BLTP1: variants seen among roughly 807,000 people sequenced by gnomAD.
BLTP1 encodes the protein bridge-like lipid transfer protein family member 1, also known as fragile site-associated protein.
the BLTP1 span, chr4:122,207,080 A>G: frequency 3.8e-6 from 6 of 1,560,596 alleles, no homozygotes; most frequent in Admixed American, 1.9e-5. Context: ...CTAACTTTAC[A>G]ATTTCTATTC....
chr4:122,322,726 A>G, the BLTP1 span, among the ~76,000 whole-genome samples: 1 of 152,062 alleles, frequency 6.6e-6, no homozygotes, highest in Non-Finnish European at 1.5e-5. Context: ...CATGTTTGTC[A>G]GTTTTTTCCT....
At chr4:122,184,658 A>C in the BLTP1 span, 1 of 984,274 alleles carries the variant, frequency 1.0e-6, no homozygotes, top group South Asian at 4.7e-5. Context: ...ACCAAAAAAC[A>C]AAAAACATTC....
At chr4:122,302,426 C>A in the BLTP1 span, among the ~76,000 whole-genome samples, 1 of 152,290 alleles carries the variant, frequency 6.6e-6, no homozygotes, top group African/African-American at 2.4e-5. Context: ...CTAATTCTCA[C>A]AATATTTCAA....
chr4:122,204,845 A>G, the BLTP1 span: 3 of 874,872 alleles, frequency 3.4e-6, no homozygotes, highest in Non-Finnish European at 4.1e-6. Flanking sequence ...GTAAGCATAG[A>G]TTATGTAAAG....
At chr4:122,313,838 T>C in the BLTP1 span, 72 of 385,096 alleles carry the variant, frequency 1.9e-4, no homozygotes, top group Non-Finnish European at 4.4e-5. Flanking sequence ...TTAACAATTA[T>C]TAATCAGACA....
chr4:122,169,578 G>A, the BLTP1 span: 1 of 921,940 alleles, frequency 1.1e-6, no homozygotes, highest in Non-Finnish European at 1.3e-6. Context: ...ATATTTTCTT[G>A]TTTCTTGGAT....
chr4:122,166,444 G>A, the BLTP1 span, among the ~76,000 whole-genome samples: 1 of 152,064 alleles, frequency 6.6e-6, no homozygotes, highest in Non-Finnish European at 1.5e-5. Context: ...TCTCTGTTTT[G>A]GTACCAGTAC....
chr4:122,301,804 T>A, the BLTP1 span, among the ~76,000 whole-genome samples: 3 of 152,178 alleles, frequency 2.0e-5, no homozygotes, highest in Non-Finnish European at 4.4e-5. Flanking sequence ...CTTTTCCAGT[T>A]AACTATATTA....
At chr4:122,233,107 G>C in the BLTP1 span, among the ~76,000 whole-genome samples, 1 of 152,162 alleles carries the variant, frequency 6.6e-6, no homozygotes, top group East Asian at 1.9e-4. Context: ...ATCAGGCCTT[G>C]CCAGACCTCA....
the BLTP1 span, chr4:122,186,007 A>G: frequency 5.4e-6 from 8 of 1,486,664 alleles, no homozygotes; most frequent in Non-Finnish European, 6.3e-6. Context: ...AAAGTTGACT[A>G]AAAATTTTTT....
chr4:122,290,625 A>C, the BLTP1 span, among the ~76,000 whole-genome samples: 6 of 151,094 alleles, frequency 4.0e-5, no homozygotes, highest in African/African-American at 1.5e-4. Flanking sequence ...ATCTCTATTA[A>C]AAATACAAAA....
the BLTP1 span, among the ~76,000 whole-genome samples, chr4:122,163,659 A>G: frequency 2.0e-5 from 3 of 152,106 alleles, no homozygotes; most frequent in African/African-American, 7.2e-5. Context: ...ACACACTATA[A>G]CTCTATGAGA....
At chr4:122,218,125 G>A in the BLTP1 span, among the ~76,000 whole-genome samples, 3 of 151,638 alleles carry the variant, frequency 2.0e-5, no homozygotes, top group African/African-American at 7.3e-5. Flanking sequence ...TTAATCTCAT[G>A]GATGGTCCAT....
At chr4:122,356,524 G>C in the BLTP1 span, 1 of 1,257,432 alleles carries the variant, frequency 8.0e-7, no homozygotes, top group Non-Finnish European at 1.1e-6. Context: ...TTTCTTTACA[G>C]TTGCATTTCA....
At chr4:122,239,151 C>T in the BLTP1 span, among the ~76,000 whole-genome samples, 1 of 152,100 alleles carries the variant, frequency 6.6e-6, no homozygotes, top group East Asian at 1.9e-4. Context: ...ACTTCTTCCT[C>T]CAGTCTCCTT....
the BLTP1 span, chr4:122,328,367 CTTATT>C: frequency 5.6e-6 from 9 of 1,597,416 alleles, no homozygotes; most frequent in East Asian, 2.2e-5. Context: ...CGTGAGTAAC[CTTATT>C]TTAAGATCAT....
At chr4:122,154,858 C>T in the BLTP1 span, 16 of 481,808 alleles carry the variant, frequency 3.3e-5, no homozygotes, top group Non-Finnish European at 3.8e-5. Flanking sequence ...GGCGACAGAG[C>T]GAGACTCCAT....
the BLTP1 span, chr4:122,207,170 C>G: frequency 6.2e-7 from 1 of 1,610,416 alleles, no homozygotes; most frequent in Non-Finnish European, 8.5e-7. Flanking sequence ...GTTCCATATA[C>G]GTGGAATTTT....
the BLTP1 span, chr4:122,343,448 CATA>C: frequency 6.2e-7 from 1 of 1,613,910 alleles, no homozygotes; most frequent in African/African-American, 1.3e-5. Flanking sequence ...CCGAAGTCGA[CATA>C]GTAGTAGTCA....
Sources: gnomAD v4.1 joint callset for allele counts (sites outside exome capture counted in the v4.1 genomes callset) on GRCh38, gnomAD v4.1.1 for gene constraint, MANE v1.5 for transcripts, NCBI Gene and HGNC (gene_info 2026-07-23, HGNC 2026-07-21) for gene names.